The following LMF1 variants were observed in gnomAD, a reference collection of about 807,000 sequenced individuals.
The protein encoded by LMF1 is lipase maturation factor 1.
In LMF1, 68 loss-of-function variants were observed where a neutral mutation model predicts 60.6. The ratio of observed to expected loss-of-function variants is 1.12; its 90% CI spans 0.92 to 1.37. LMF1 has a LOEUF of 1.37. Among genes scored for constraint, LMF1 ranks in the 40% most tolerant of loss-of-function variants. LMF1 has a pLI of 0.00. For synonymous variants in LMF1, 418 were observed against 324.7 expected, an observed-to-expected ratio of 1.29 and a Z score of -3.09; for missense variants, 948 against 767.2, an observed-to-expected ratio of 1.24 and a Z score of -2.78.
chr16:862,159 G>A (rs1336411869), intron 10 of LMF1, among the ~76,000 whole-genome samples: 2 of 150,962 alleles, frequency 1.3e-5, no homozygotes, highest in African/African-American at 4.9e-5. Context: ...GTTATATATT[G>A]GCAAATTCTA....
At chr16:970,424 G>T (rs937872799) in intron 1 of LMF1, among the ~76,000 whole-genome samples, 1 of 152,062 alleles carries the variant, frequency 6.6e-6, no homozygotes, top group South Asian at 2.1e-4. Context: ...ACGGACGGGT[G>T]ACCCTCCACC....
intron 3 of LMF1, chr16:933,685 T>G (rs1285449037): frequency 3.5e-6 from 1 of 282,006 alleles, no homozygotes; most frequent in East Asian, 8.9e-5. Context: ...CAAGCCACCG[T>G]GTGTCCCATG....
intron 10 of LMF1, among the ~76,000 whole-genome samples, chr16:862,212 G>A (rs2069486472): frequency 1.4e-5 from 2 of 146,400 alleles, no homozygotes; most frequent in African/African-American, 5.1e-5. Flanking sequence ...GTCTCACTCT[G>A]TTGCCGAGGC....
intron 3 of LMF1, among the ~76,000 whole-genome samples, chr16:922,356 G>C (rs906350324): frequency 6.6e-6 from 1 of 152,230 alleles, no homozygotes; most frequent in Non-Finnish European, 1.5e-5. Flanking sequence ...AGCCCACAGC[G>C]ACTGGTAGCC....
intron 2 of LMF1, among the ~76,000 whole-genome samples, chr16:944,939 C>A (rs1033328737): frequency 6.6e-6 from 1 of 151,972 alleles, no homozygotes; most frequent in Non-Finnish European, 1.5e-5. Context: ...GGGGGCTGGG[C>A]ACCGTGGCTC....
rs573097327 is a variant in LMF1, at chr16:871,627, G to T, written c.898-286C>A. 3.6e-5 allele frequency: 15 copies of T among 421,590 alleles called. 1 individual carries two copies. Among genetic ancestry groups the T allele is most frequent in the African/African-American group, 2.4e-4 (12 of 49,690 alleles). 26.1% of individuals were successfully genotyped at this position (421,590 alleles called of 1,614,324 possible). A position where few individuals can be genotyped will look rare whatever the true frequency, so the allele number is the denominator to read the frequency against. On this transcript the variant is annotated intron_variant, in intron 6 of 10. Coordinates refer to ENST00000262301, the MANE Select transcript of LMF1 (RefSeq NM_022773.4). ...TGCTTTAGTGATCCGCAAGGCGGGG[G>T]CTGGACCAGACCACCAGACCCTGTG...
chr16:912,822 G>A (rs1456474404), intron 3 of LMF1, among the ~76,000 whole-genome samples: 2 of 152,234 alleles, frequency 1.3e-5, no homozygotes, highest in Admixed American at 6.5e-5. Flanking sequence ...CAGCTGCGCG[G>A]CGTGCACAAG....
rs1402442964 is a variant in LMF1 at position 887,490 on chromosome 16, G to A, written c.729+5517C>T. ...CGTGGGGGAGCTCGGCGGGCACGGG[G>A]GCGTGAGCCGAGGCTTCTGTCAGCA... On this transcript the variant is annotated intron_variant, in intron 5 of 10. Coordinates refer to ENST00000262301, the MANE Select transcript of LMF1 (RefSeq NM_022773.4). Among the ~76,000 whole-genome samples the A allele has an allele frequency of 2.0e-5, 3 of 152,318 alleles. No homozygotes were observed. The East Asian group carries it at 5.8e-4, about 29-fold the overall frequency.
At chr16:941,977 C>A (rs561402361) in intron 2 of LMF1, among the ~76,000 whole-genome samples, 1 of 152,220 alleles carries the variant, frequency 6.6e-6, no homozygotes, top group Non-Finnish European at 1.5e-5. Flanking sequence ...CCTACCTTTA[C>A]CATGTCCAGT....
At chr16:909,871 G>GCA (rs1382686646) in intron 4 of LMF1, among the ~76,000 whole-genome samples, 1 of 152,276 alleles carries the variant, frequency 6.6e-6, no homozygotes, top group Non-Finnish European at 1.5e-5. Flanking sequence ...CGAGACGGCG[G>GCA]CACACTCTGG....
chr16:932,901 G>C (rs2071833192), intron 3 of LMF1, among the ~76,000 whole-genome samples: 1 of 151,334 alleles, frequency 6.6e-6, no homozygotes, highest in African/African-American at 2.5e-5. Flanking sequence ...ACACGCGTGA[G>C]CACTCTAGGG....
intron 5 of LMF1, among the ~76,000 whole-genome samples, chr16:881,209 A>T (rs9928766): frequency 0.27 from 41,748 of 152,150 alleles, 7,597 homozygotes; most frequent in African/African-American, 0.5. Context: ...CGAGGGGGTG[A>T]CCGGGCACAG....
rs905195007 is a variant in LMF1, at chr16:874,485, G to A, written c.898-3144C>T. Among the ~76,000 whole-genome samples, 1 of 152,216 alleles carries A rather than the reference G, an allele frequency of 6.6e-6. No homozygotes were observed. The highest frequency in any genetic ancestry group is 1.5e-5 in the Non-Finnish European group (1 of 68,034). On this transcript the variant is annotated intron_variant, in intron 6 of 10. Coordinates refer to ENST00000262301, the MANE Select transcript of LMF1 (RefSeq NM_022773.4). This position sits in a 1 kb window ranked among gnomAD's most constrained non-coding sequence, Gnocchi z 4.1. ...CCCTGTCACCAGTGCCCTAGTGGAG[G>A]CTGATGGCTCCCGTGGGGTGCTGGC...
chr16:966,795 T>C (rs2072934236), intron 1 of LMF1, among the ~76,000 whole-genome samples: 1 of 152,330 alleles, frequency 6.6e-6, no homozygotes, highest in Non-Finnish European at 1.5e-5. Context: ...AGCTAAGGTG[T>C]GGCCCACCAA....
At chr16:951,195 CGACAGAGTCAGCCAATGACAGAGTCAGCT>C (rs2072456229) in intron 2 of LMF1, among the ~76,000 whole-genome samples, 1 of 149,816 alleles carries the variant, frequency 6.7e-6, no homozygotes, top group African/African-American at 2.5e-5. Context: ...AGTCAGCCAA[CGACAGAGTCAGCCAATGACAGAGTCAGCT>C]GACAGAGTCA....
rs1473638917 is a variant in LMF1 at position 870,816 on chromosome 16, A to G, written c.1145T>C (p.Val382Ala). ...CCTGGAGCTCAGCAAGTTGAGGACC[A>G]CGGGCACGCTGAGCCAGGCCAGCAG... The part of the protein sequence containing the change: ...GVLLAWLSVP[V>A]VLNLLSSRQV... Residue 382 changes from valine to alanine, a missense_variant, in exon 8 of 11, where the codon GTG becomes GCG. Transcript: ENST00000262301. The G allele has an allele frequency of 1.2e-6, 2 of 1,612,626 alleles. No individual in the cohort carries two copies. The highest frequency in any genetic ancestry group is 2.2e-5 in the South Asian group (2 of 91,086).
chr16:914,099 G>A (rs1434189477), intron 3 of LMF1, among the ~76,000 whole-genome samples: 5 of 152,062 alleles, frequency 3.3e-5, no homozygotes, highest in African/African-American at 1.2e-4. Context: ...ACGGTCTTCT[G>A]AGGCCCTACG....
At chr16:950,881 T>A (rs1252464895) in intron 2 of LMF1, among the ~76,000 whole-genome samples, 3 of 109,440 alleles carry the variant, frequency 2.7e-5, no homozygotes, top group Non-Finnish European at 3.6e-5. Context: ...AAGGACGGAG[T>A]CAGAGCCAAC....
intron 2 of LMF1, 115 bp from the exon 3 acceptor site, chr16:934,369 G>C (rs1016906445): frequency 2.2e-6 from 3 of 1,362,776 alleles, no homozygotes; most frequent in Non-Finnish European, 3.1e-6. Context: ...TGGGGTCAGG[G>C]AAGCCCTGCG....
Sources: allele counts gnomAD v4.1 joint callset (sites outside exome capture counted in the v4.1 genomes callset), GRCh38; gene constraint gnomAD v4.1.1; non-coding constraint Gnocchi (gnomAD v3.1); transcripts MANE v1.5; gene names NCBI Gene and HGNC (gene_info 2026-07-23, HGNC 2026-07-21).